GPHN: variants seen among roughly 807,000 people sequenced by gnomAD.
The protein encoded by GPHN is gephyrin.
Under a neutral mutation model 95.5 loss-of-function variants are expected in GPHN, and 17 were observed. That is an observed-to-expected ratio of 0.18 (90% confidence interval 0.12 to 0.27). GPHN has a LOEUF of 0.27. Among genes scored for constraint, GPHN ranks in the 10% least tolerant of loss-of-function variants. The pLI, the probability that GPHN is intolerant of heterozygous loss-of-function variation, is 1.00. For synonymous variants in GPHN, 320 were observed against 322.5 expected (o/e 0.99, Z 0.08); for missense variants, 660 against 978.1 (o/e 0.67, Z 4.34).
the GPHN span, among the ~76,000 whole-genome samples, chr14:67,439,593 C>CTTTCTTTTCTTTTTCTTTCTTTCCTTCT: frequency 1.5e-4 from 16 of 109,850 alleles, no homozygotes; most frequent in African/African-American, 5.1e-4. Context: ...TTCTTTCTTT[C>CTTTCTTTTCTTTTTCTTTCTTTCCTTCT]TTCTTTCTTT....
At position 66,682,123 on chromosome 14, in the gene GPHN, G is replaced by A. The variant is rs145821028; in HGVS notation, c.143+938G>A. 3.8e-4 allele frequency among the ~76,000 whole-genome samples: 58 copies of A among 152,274 alleles called. 1 individual carries two copies. The East Asian group carries it at 8.5e-3, about 22-fold the overall frequency. On this transcript the variant is annotated intron_variant, in intron 2 of 22. Coordinates refer to ENST00000478722, the MANE Select transcript of GPHN (RefSeq NM_020806.5). ...TCATGTTAAAAAATATGAGAGTGCT[G>A]AAAATGTATCGAATATTGAAGTTTA...
At chr14:67,240,284 C>T in the GPHN span, among the ~76,000 whole-genome samples, 1 of 152,096 alleles carries the variant, frequency 6.6e-6, no homozygotes, top group Non-Finnish European at 1.5e-5. Context: ...TGAGGGACAC[C>T]ACAACCCATA....
At chr14:67,507,804 A>G in the GPHN span, among the ~76,000 whole-genome samples, 7 of 152,154 alleles carry the variant, frequency 4.6e-5, no homozygotes, top group Non-Finnish European at 8.8e-5. Flanking sequence ...ATAAGGGTGT[A>G]CAGACACCAC....
At chr14:66,844,687 A>T (rs1386716051) in intron 4 of GPHN, among the ~76,000 whole-genome samples, 1 of 152,128 alleles carries the variant, frequency 6.6e-6, no homozygotes, top group East Asian at 1.9e-4. Context: ...TGCTCTAGGG[A>T]AGTTAAAATC....
chr14:67,550,691 A>AT, the GPHN span, among the ~76,000 whole-genome samples: 1 of 152,300 alleles, frequency 6.6e-6, no homozygotes, highest in Admixed American at 6.5e-5. Flanking sequence ...AGATCTTTTG[A>AT]TTTTTTAAGA....
At chr14:67,469,019 C>A in the GPHN span, among the ~76,000 whole-genome samples, 93 of 152,130 alleles carry the variant, frequency 6.1e-4, no homozygotes, top group Non-Finnish European at 1.1e-3. Context: ...TTTCATTTTG[C>A]TTGCCTCTTT....
the GPHN span, among the ~76,000 whole-genome samples, chr14:67,655,165 C>T: frequency 6.6e-6 from 1 of 151,580 alleles, no homozygotes; most frequent in Non-Finnish European, 1.5e-5. Context: ...CATAATGAGA[C>T]CCCGTTTTTA....
intron 9 of GPHN, among the ~76,000 whole-genome samples, chr14:66,999,275 TTTAA>T (rs111795021): frequency 0.059 from 8,964 of 151,946 alleles, 316 homozygotes; most frequent in Middle Eastern, 0.085. Context: ...GATACAAAAC[TTTAA>T]TTAATACAAA....
chr14:66,710,776 T>C (rs2069543517), intron 2 of GPHN, among the ~76,000 whole-genome samples: 1 of 152,218 alleles, frequency 6.6e-6, no homozygotes, highest in South Asian at 2.1e-4. Flanking sequence ...CCTATGTGCC[T>C]CACTTTCTAC....
intron 11 of GPHN, among the ~76,000 whole-genome samples, chr14:67,087,165 A>G (rs2076940235): frequency 6.6e-6 from 1 of 152,148 alleles, no homozygotes; most frequent in Non-Finnish European, 1.5e-5. Context: ...CATTTACTGT[A>G]TCATTGGGGC....
At chr14:67,493,880 C>A in the GPHN span, among the ~76,000 whole-genome samples, 1 of 151,540 alleles carries the variant, frequency 6.6e-6, no homozygotes, top group Non-Finnish European at 1.5e-5. Flanking sequence ...ATGTAATAAA[C>A]TTATTTATTT....
intron 1 of GPHN, among the ~76,000 whole-genome samples, chr14:66,566,887 G>A (rs1377815814): frequency 6.6e-6 from 1 of 152,112 alleles, no homozygotes; most frequent in African/African-American, 2.4e-5. Context: ...TTGGAACTTT[G>A]GAGTATAGAT....
intron 8 of GPHN, among the ~76,000 whole-genome samples, chr14:66,950,057 T>C (rs1394586636): frequency 1.3e-5 from 2 of 149,586 alleles, no homozygotes; most frequent in African/African-American, 4.9e-5. Flanking sequence ...AGGAAAATTA[T>C]GTGTTCCCAT....
At chr14:67,323,937 T>C in the GPHN span, 1 of 570,162 alleles carries the variant, frequency 1.8e-6, no homozygotes, top group South Asian at 2.4e-5. Context: ...TTTTCTGTAA[T>C]ATTACTTGCC....
chr14:66,699,803 T>C (rs1232845763), intron 2 of GPHN, among the ~76,000 whole-genome samples: 3 of 152,214 alleles, frequency 2.0e-5, no homozygotes, highest in African/African-American at 7.2e-5. Flanking sequence ...AAGTAAACTA[T>C]GGCTGTGTTT....
the GPHN span, among the ~76,000 whole-genome samples, chr14:67,451,761 A>T: frequency 6.6e-6 from 1 of 152,144 alleles, no homozygotes. Context: ...TGGACTGTGG[A>T]CTTTTGAGCT....
intron 2 of GPHN, among the ~76,000 whole-genome samples, chr14:66,727,182 A>G (rs1466262385): frequency 3.9e-5 from 6 of 152,184 alleles, no homozygotes; most frequent in Admixed American, 2.6e-4. Flanking sequence ...TCTTAGTAAG[A>G]CGTGACTTGC....
the GPHN span, among the ~76,000 whole-genome samples, chr14:67,421,501 C>T: frequency 6.6e-6 from 1 of 152,124 alleles, no homozygotes; most frequent in African/African-American, 2.4e-5. Flanking sequence ...GACACCCAGG[C>T]CAGGGCTCCT....
intron 1 of GPHN, among the ~76,000 whole-genome samples, chr14:66,594,592 C>T (rs528346061): frequency 1.3e-5 from 2 of 152,248 alleles, no homozygotes; most frequent in African/African-American, 2.4e-5. Context: ...AATAAATGGT[C>T]GTAGGGAAAC....
Sources: gnomAD v4.1 joint callset for allele counts (sites outside exome capture counted in the v4.1 genomes callset) on GRCh38, gnomAD v4.1.1 for gene constraint, MANE v1.5 for transcripts, NCBI Gene and HGNC (gene_info 2026-07-23, HGNC 2026-07-21) for gene names.